RALA: variants seen among roughly 807,000 people sequenced by gnomAD.
The protein encoded by RALA is RAS like proto-oncogene A.
In RALA, 5 loss-of-function variants were observed where a neutral mutation model predicts 24.0. That is an observed-to-expected ratio of 0.21 (90% CI 0.11 to 0.44). The LOEUF (loss-of-function observed/expected upper bound fraction) is 0.44. Among genes scored for constraint, RALA ranks in the 20% least tolerant of loss-of-function variants. RALA has a pLI of 0.99. For missense variants in RALA, 95 were observed against 241.2 expected, an observed-to-expected ratio of 0.39 and a Z score of 4.01; for synonymous variants, 77 against 83.8, an observed-to-expected ratio of 0.92 and a Z score of 0.44.
At chr7:39,700,891 G>A (rs1793015080) in intron 4 of RALA, 1 of 152,218 alleles carries the variant, frequency 6.6e-6, no homozygotes, top group Non-Finnish European at 1.5e-5. Context: ...CTACATAAAA[G>A]TCATTTGCAG....
intron 1 of RALA, among the ~76,000 whole-genome samples, chr7:39,625,051 A>AAAGAC (rs1554294474): frequency 8.5e-5 from 13 of 152,220 alleles, no homozygotes; most frequent in Non-Finnish European, 1.5e-4. Flanking sequence ...GGCAGGAGCC[A>AAAGAC]TGTCCTACTT....
At chr7:39,680,361 AGT>A (rs1461701797) in intron 1 of RALA, among the ~76,000 whole-genome samples, 37 of 150,206 alleles carry the variant, frequency 2.5e-4, no homozygotes, top group Non-Finnish European at 1.5e-5. Context: ...GGGCAACAAG[AGT>A]GAGACTCTGT....
At chr7:39,699,121 ATTTTTTT>A (rs71560137) in intron 4 of RALA, among the ~76,000 whole-genome samples, 185 of 61,340 alleles carry the variant, frequency 3.0e-3, no homozygotes, top group African/African-American at 8.5e-3. Context: ...TAAAAATGTT[ATTTTTTT>A]TTTTTTTTTT....
chr7:39,636,306 C>T (rs1791683152), intron 1 of RALA, among the ~76,000 whole-genome samples: 1 of 152,192 alleles, frequency 6.6e-6, no homozygotes, highest in Admixed American at 6.5e-5. Context: ...GCAGCTGCAC[C>T]ATTTTACATC....
At chr7:39,663,117 A>G (rs1792222932) in intron 1 of RALA, among the ~76,000 whole-genome samples, 2 of 152,150 alleles carry the variant, frequency 1.3e-5, no homozygotes, top group South Asian at 2.1e-4. Context: ...CCCTCCCACA[A>G]CATGTAGGAA....
intron 1 of RALA, among the ~76,000 whole-genome samples, chr7:39,634,326 T>C (rs534119464): frequency 5.3e-5 from 8 of 152,206 alleles, no homozygotes; most frequent in Non-Finnish European, 1.0e-4. Flanking sequence ...GCTGCCTCAC[T>C]GGTATGAAAT....
intron 3 of RALA, among the ~76,000 whole-genome samples, chr7:39,691,010 T>A (rs1562624016): frequency 1.3e-5 from 2 of 152,240 alleles, no homozygotes; most frequent in East Asian, 3.8e-4. Flanking sequence ...GTTGCCATCC[T>A]CCTCAAAATA....
At chr7:39,704,159 CAA>C (rs796540060) in intron 4 of RALA, among the ~76,000 whole-genome samples, 5,954 of 116,978 alleles carry the variant, frequency 0.051, 366 homozygotes, top group African/African-American at 0.16. Context: ...GAGACTCTCT[CAA>C]AAAAAAAAAA....
At chr7:39,704,251 A>T (rs1793078060) in intron 4 of RALA, among the ~76,000 whole-genome samples, 1 of 152,150 alleles carries the variant, frequency 6.6e-6, no homozygotes, top group East Asian at 1.9e-4. Flanking sequence ...ATCTATTCTA[A>T]AATAGATACT....
intron 1 of RALA, among the ~76,000 whole-genome samples, chr7:39,630,210 ATTTTTTTTT>A (rs57399698): frequency 2.0e-5 from 2 of 100,916 alleles, no homozygotes; most frequent in African/African-American, 7.8e-5. Context: ...TGCCTTGCTA[ATTTTTTTTT>A]TTTTTTTTTT....
chr7:39,670,145 CATT>C (rs1486742208), intron 1 of RALA, among the ~76,000 whole-genome samples: 1 of 152,102 alleles, frequency 6.6e-6, no homozygotes, highest in Non-Finnish European at 1.5e-5. Context: ...TCTAAGCCTG[CATT>C]ATTATTATTT....
chr7:39,703,190 A>G (rs545934278), intron 4 of RALA: 1 of 152,374 alleles, frequency 6.6e-6, no homozygotes, highest in South Asian at 2.1e-4. Flanking sequence ...ATAGTGATTT[A>G]TCTGCATTAG....
chr7:39,675,832 T>G (rs1792477951), intron 1 of RALA, among the ~76,000 whole-genome samples: 1 of 152,112 alleles, frequency 6.6e-6, no homozygotes, highest in Admixed American at 6.6e-5. Context: ...ATTACCTGTG[T>G]TTTTTTAATT....
chr7:39,649,903 T>C (rs1791992089), intron 1 of RALA, among the ~76,000 whole-genome samples: 1 of 152,192 alleles, frequency 6.6e-6, no homozygotes. Context: ...CAGCTGCTAC[T>C]GATAAGTGAG....
intron 1 of RALA, among the ~76,000 whole-genome samples, chr7:39,662,037 C>A (rs755490090): frequency 1.2e-4 from 18 of 152,212 alleles, no homozygotes; most frequent in South Asian, 2.1e-4. Flanking sequence ...CTTGCACCTT[C>A]TGAAACCACA....
At chr7:39,631,573 A>G (rs1489879220) in intron 1 of RALA, among the ~76,000 whole-genome samples, 2 of 152,110 alleles carry the variant, frequency 1.3e-5, no homozygotes, top group Non-Finnish European at 2.9e-5. Context: ...TAAAACAAAC[A>G]ATGTCTTTTT....
At chr7:39,684,523 C>T (rs1236232016) in intron 1 of RALA, among the ~76,000 whole-genome samples, 2 of 151,730 alleles carry the variant, frequency 1.3e-5, no homozygotes, top group East Asian at 1.9e-4. Flanking sequence ...CTGTACAGCC[C>T]GTATGTGAGG....
chr7:39,661,944 G>A (rs550786913), intron 1 of RALA, among the ~76,000 whole-genome samples: 1 of 152,278 alleles, frequency 6.6e-6, no homozygotes, highest in East Asian at 1.9e-4. Flanking sequence ...TGAAATTTAG[G>A]CAGAGGTTCC....
intron 1 of RALA, among the ~76,000 whole-genome samples, chr7:39,648,603 A>T (rs780684703): frequency 5.3e-5 from 8 of 152,190 alleles, no homozygotes; most frequent in Non-Finnish European, 1.2e-4. Context: ...GCCATGTGCT[A>T]ATCTTCCAGT....
Sources: allele counts gnomAD v4.1 joint callset (sites outside exome capture counted in the v4.1 genomes callset), GRCh38; gene constraint gnomAD v4.1.1; transcripts MANE v1.5; gene names NCBI Gene and HGNC (gene_info 2026-07-23, HGNC 2026-07-21).